RNF152: variants seen among roughly 807,000 people sequenced by gnomAD.
RNF152 encodes the protein ring finger protein 152, also known as E3 ubiquitin-protein ligase RNF152.
RNF152 carries 11 observed loss-of-function variants against 12.7 expected under a neutral mutation model. That is an observed-to-expected ratio of 0.86 (90% confidence interval 0.54 to 1.43). The LOEUF is 1.43. Ranked by LOEUF, RNF152 falls within the 40% of genes most tolerant of loss-of-function variation. The pLI, the probability that RNF152 is intolerant of heterozygous loss-of-function variation, is 0.00. For missense variants in RNF152, 255 were observed against 274.8 expected (o/e 0.93, Z 0.51); for synonymous variants, 113 against 120.3 (o/e 0.94, Z 0.40).
intron 1 of RNF152, among the ~76,000 whole-genome samples, chr18:61,875,779 T>C (rs368069525): frequency 6.6e-6 from 1 of 152,160 alleles, no homozygotes; most frequent in Non-Finnish European, 1.5e-5. Context: ...GTCTCTTGCA[T>C]TGATTCACCC....
intron 1 of RNF152, among the ~76,000 whole-genome samples, chr18:61,889,390 G>A (rs1341494015): frequency 2.6e-5 from 4 of 152,098 alleles, no homozygotes; most frequent in Non-Finnish European, 5.9e-5. Flanking sequence ...TGGCTCACCC[G>A]TGCATGCCGT....
chr18:61,874,998 A>T (rs1599318934), intron 1 of RNF152: 1 of 152,270 alleles, frequency 6.6e-6, no homozygotes, highest in East Asian at 1.9e-4. Context: ...ATCACCGGCC[A>T]GCACCTGGCC....
intron 1 of RNF152, among the ~76,000 whole-genome samples, chr18:61,832,902 TGCTATA>T (rs1367738642): frequency 1.3e-5 from 2 of 152,236 alleles, no homozygotes; most frequent in African/African-American, 4.8e-5. Context: ...ACAGGGATAT[TGCTATA>T]GCTCTTGTTA....
At chr18:61,873,399 G>A (rs184089917) in intron 1 of RNF152, among the ~76,000 whole-genome samples, 60 of 152,256 alleles carry the variant, frequency 3.9e-4, no homozygotes, top group Middle Eastern at 3.4e-3. Context: ...GTGCAATGGC[G>A]CTATCTCGGC....
At chr18:61,878,948 G>A (rs1371760764) in intron 1 of RNF152, among the ~76,000 whole-genome samples, 3 of 152,218 alleles carry the variant, frequency 2.0e-5, no homozygotes. Flanking sequence ...AGCTGGAGAG[G>A]CAACCATATG....
chr18:61,870,020 G>A (rs920790118), intron 1 of RNF152, among the ~76,000 whole-genome samples: 6 of 152,174 alleles, frequency 3.9e-5, no homozygotes, highest in Non-Finnish European at 5.9e-5. Flanking sequence ...ATCCATGAAG[G>A]AAAAGACAGG....
chr18:61,882,087 A>G (rs1912489434), intron 1 of RNF152, among the ~76,000 whole-genome samples: 1 of 152,212 alleles, frequency 6.6e-6, no homozygotes, highest in African/African-American at 2.4e-5. Flanking sequence ...TTTGAGTGCA[A>G]ACATGACACT....
chr18:61,870,065 G>A (rs914060018), intron 1 of RNF152, among the ~76,000 whole-genome samples: 3 of 152,128 alleles, frequency 2.0e-5, no homozygotes, highest in African/African-American at 7.2e-5. Context: ...CCATAAAAAA[G>A]TATTTCCATT....
At chr18:61,863,132 T>G (rs1395863937) in intron 1 of RNF152, among the ~76,000 whole-genome samples, 1 of 152,168 alleles carries the variant, frequency 6.6e-6, no homozygotes, top group Non-Finnish European at 1.5e-5. Context: ...GTAAAACATT[T>G]GCTCTTGAAA....
chr18:61,823,546 G>T (rs182666426), intron 1 of RNF152, among the ~76,000 whole-genome samples: 3 of 152,290 alleles, frequency 2.0e-5, no homozygotes, highest in Admixed American at 2.0e-4. Context: ...TGATCTGCCC[G>T]TCTCAGCCTC....
At chr18:61,817,870 G>A (rs1245494390) in intron 1 of RNF152, among the ~76,000 whole-genome samples, 1 of 152,098 alleles carries the variant, frequency 6.6e-6, no homozygotes, top group Non-Finnish European at 1.5e-5. Flanking sequence ...GCCTGACTCA[G>A]TTTCCCATTG....
At chr18:61,825,381 G>T (rs193059592) in intron 1 of RNF152, among the ~76,000 whole-genome samples, 2 of 152,208 alleles carry the variant, frequency 1.3e-5, no homozygotes, top group African/African-American at 4.8e-5. Flanking sequence ...ATCATTGCCT[G>T]TCAGAGCCAG....
At chr18:61,848,865 C>G (rs1295320289) in intron 1 of RNF152, among the ~76,000 whole-genome samples, 2 of 152,162 alleles carry the variant, frequency 1.3e-5, no homozygotes, top group South Asian at 4.1e-4. Context: ...CAACATGAAG[C>G]CAGAGGGCAA....
At chr18:61,877,135 T>C (rs1418210147) in intron 1 of RNF152, among the ~76,000 whole-genome samples, 1 of 152,214 alleles carries the variant, frequency 6.6e-6, no homozygotes, top group East Asian at 1.9e-4. Context: ...CAAACAGCCA[T>C]TGTCTCCCAC....
intron 1 of RNF152, among the ~76,000 whole-genome samples, chr18:61,879,540 G>C (rs1418033066): frequency 6.6e-6 from 1 of 152,128 alleles, no homozygotes; most frequent in Non-Finnish European, 1.5e-5. Flanking sequence ...AGAGAGGAAG[G>C]ATAGGGAGAA....
intron 1 of RNF152, among the ~76,000 whole-genome samples, chr18:61,871,540 C>T (rs1911997461): frequency 6.6e-6 from 1 of 152,174 alleles, no homozygotes. Context: ...AGAAGGGTTA[C>T]TGCCCTCAGC....
intron 1 of RNF152, among the ~76,000 whole-genome samples, chr18:61,834,764 C>A (rs1227453336): frequency 6.6e-6 from 1 of 152,162 alleles, no homozygotes. Context: ...CATACATTAT[C>A]AGTATGCTTT....
intron 1 of RNF152, among the ~76,000 whole-genome samples, chr18:61,856,037 C>G (rs1911215038): frequency 2.0e-5 from 3 of 152,196 alleles, no homozygotes; most frequent in Admixed American, 2.0e-4. Flanking sequence ...AACTCACTAT[C>G]CTAGTCACAT....
intron 1 of RNF152, among the ~76,000 whole-genome samples, chr18:61,817,448 A>T (rs1382033691): frequency 6.6e-6 from 1 of 152,236 alleles, no homozygotes; most frequent in African/African-American, 2.4e-5. Context: ...GAATTTTTTG[A>T]ATAGATACGG....
Sources: gnomAD v4.1 joint callset for allele counts (sites outside exome capture counted in the v4.1 genomes callset) on GRCh38, gnomAD v4.1.1 for gene constraint, MANE v1.5 for transcripts, NCBI Gene and HGNC (gene_info 2026-07-23, HGNC 2026-07-21) for gene names.